The following DPP10 variants were observed in gnomAD, a reference collection of about 807,000 sequenced individuals.
DPP10 encodes the protein inactive dipeptidyl peptidase 10.
Under a neutral mutation model 120.9 loss-of-function variants are expected in DPP10, and 33 were observed. The ratio of observed to expected loss-of-function variants is 0.27; its 90% CI spans 0.21 to 0.37. The LOEUF (loss-of-function observed/expected upper bound fraction) is 0.37. Among genes scored for constraint, DPP10 ranks in the 10% least tolerant of loss-of-function variants. The pLI is 1.00. For missense variants in DPP10, 816 were observed against 942.8 expected (o/e 0.87, Z 1.76); for synonymous variants, 337 against 326.1 (o/e 1.03, Z -0.36).
intron 3 of DPP10, among the ~76,000 whole-genome samples, chr2:115,489,155 C>T (rs929085931): frequency 6.6e-6 from 1 of 152,054 alleles, no homozygotes; most frequent in Non-Finnish European, 1.5e-5. Context: ...GCTTTGCGGG[C>T]CATATTTTCT....
At chr2:114,519,490 T>C (rs925047298) in intron 1 of DPP10, among the ~76,000 whole-genome samples, 2 of 152,210 alleles carry the variant, frequency 1.3e-5, no homozygotes, top group African/African-American at 4.8e-5. Context: ...CCAATGATAT[T>C]CTACATGTGA....
At chr2:114,923,304 C>T (rs1695341039) in intron 1 of DPP10, among the ~76,000 whole-genome samples, 1 of 151,314 alleles carries the variant, frequency 6.6e-6, no homozygotes, top group South Asian at 2.1e-4. Flanking sequence ...ATGCCTCAGC[C>T]TCCCCAGTAG....
intron 3 of DPP10, among the ~76,000 whole-genome samples, chr2:115,461,460 G>A (rs553088385): frequency 4.1e-4 from 63 of 152,182 alleles, no homozygotes; most frequent in African/African-American, 1.5e-3. Context: ...ATACAACATG[G>A]TGACTATAGT....
intron 1 of DPP10, among the ~76,000 whole-genome samples, chr2:114,907,915 C>T (rs946109901): frequency 4.0e-5 from 6 of 151,848 alleles, no homozygotes; most frequent in Non-Finnish European, 7.4e-5. Flanking sequence ...TTAAAGTTTC[C>T]AACTACTATT....
At chr2:115,052,409 A>T (rs567079151) in intron 1 of DPP10, among the ~76,000 whole-genome samples, 14 of 152,296 alleles carry the variant, frequency 9.2e-5, no homozygotes, top group African/African-American at 3.1e-4. Flanking sequence ...ATGAGAAATA[A>T]CGTTTGCAAA....
At chr2:114,763,426 T>C (rs577545142) in intron 1 of DPP10, among the ~76,000 whole-genome samples, 1 of 152,324 alleles carries the variant, frequency 6.6e-6, no homozygotes, top group East Asian at 1.9e-4. Context: ...TAGATCAAAG[T>C]ATGTACTTCT....
Position 115,612,577 on chromosome 2 carries a change from T to A in DPP10, c.442-77110T>A, listed in dbSNP as rs187780007. Among the ~76,000 whole-genome samples the A allele has an allele frequency of 2.0e-4, 30 of 152,296 alleles. 1 individual carries two copies. In the East Asian group the frequency reaches 5.2e-3, roughly 26 times the overall value. On this transcript the variant is annotated intron_variant, in intron 5 of 25. Coordinates refer to ENST00000410059, the MANE Select transcript of DPP10 (RefSeq NM_020868.6). ...CAAAAACCTCTAATATAGTGACGTG[T>A]TCTGCCAAAATGTAATAAATGAGAA...
At chr2:115,804,904 C>T (rs899718028) in intron 19 of DPP10, among the ~76,000 whole-genome samples, 3 of 152,218 alleles carry the variant, frequency 2.0e-5, no homozygotes, top group Admixed American at 6.5e-5. Context: ...AGGCAGTCTG[C>T]CTGTTCTCAG....
chr2:114,457,318 A>ATCCCTGGCC (rs1309365224), intron 1 of DPP10, among the ~76,000 whole-genome samples: 4 of 152,188 alleles, frequency 2.6e-5, no homozygotes, highest in Admixed American at 2.6e-4. Flanking sequence ...GTCTGGCAGC[A>ATCCCTGGCC]TCCCTGGCCT....
chr2:115,086,810 T>C (rs1163698518), intron 1 of DPP10, among the ~76,000 whole-genome samples: 1 of 147,870 alleles, frequency 6.8e-6, no homozygotes, highest in East Asian at 2.0e-4. Flanking sequence ...CCCTAAAATA[T>C]ATAAAACCAA....
intron 1 of DPP10, among the ~76,000 whole-genome samples, chr2:115,103,186 T>C (rs1000799267): frequency 1.2e-4 from 16 of 135,180 alleles, no homozygotes; most frequent in South Asian, 2.5e-4. Context: ...GATTCTCTCT[T>C]TTTTTTTTTT....
At chr2:115,343,521 G>C (rs17823041) in intron 2 of DPP10, among the ~76,000 whole-genome samples, 7,826 of 152,006 alleles carry the variant, frequency 0.051, 316 homozygotes, top group Middle Eastern at 0.079. Context: ...CTGCCTTTTT[G>C]GGCACAATGT....
At chr2:114,661,903 A>G (rs778031192) in intron 1 of DPP10, among the ~76,000 whole-genome samples, 9 of 151,952 alleles carry the variant, frequency 5.9e-5, no homozygotes, top group South Asian at 4.2e-4. Flanking sequence ...CTGATACACA[A>G]TGAGCCCAGG....
In DPP10 at chr2:115,442,602, C is replaced by T. The variant is rs373339649; in HGVS notation, c.272-56908C>T. 2.0e-5 allele frequency among the ~76,000 whole-genome samples: 3 copies of T among 152,238 alleles called. No homozygotes were observed. The East Asian group carries it at 5.8e-4, about 29-fold the overall frequency. ...CTGTGAGCATATTACAAAGGAAAGA[C>T]AGTCGAACAAGATGCCATTTATTTA... On this transcript the variant is annotated intron_variant, in intron 3 of 25. Coordinates refer to ENST00000410059, the MANE Select transcript of DPP10 (RefSeq NM_020868.6).
intron 3 of DPP10, among the ~76,000 whole-genome samples, chr2:115,366,462 A>G (rs1574574000): frequency 6.6e-6 from 1 of 152,134 alleles, no homozygotes. Flanking sequence ...TGCTTTGCTT[A>G]TATACAATGT....
At chr2:115,516,575 T>TTG (rs1491433535) in intron 4 of DPP10, among the ~76,000 whole-genome samples, 32 of 1,162 alleles carry the variant, frequency 0.028, 1 homozygote, top group Admixed American at 0.13. Flanking sequence ...TTATTCTTTG[T>TTG]TTTTTTTTTT....
intron 1 of DPP10, among the ~76,000 whole-genome samples, chr2:114,591,565 T>A (rs1395749392): frequency 2.0e-5 from 3 of 149,958 alleles, no homozygotes; most frequent in Non-Finnish European, 4.4e-5. Flanking sequence ...TTTTTTTTTT[T>A]TTTTTTTGAG....
intron 21 of DPP10, among the ~76,000 whole-genome samples, chr2:115,831,283 C>T (rs929843661): frequency 6.6e-6 from 1 of 152,026 alleles, no homozygotes; most frequent in Non-Finnish European, 1.5e-5. Context: ...GAGTCTTACT[C>T]AGTCGCCCAG....
At chr2:115,190,671 A>G (rs973845033) in intron 1 of DPP10, among the ~76,000 whole-genome samples, 1 of 152,166 alleles carries the variant, frequency 6.6e-6, no homozygotes, top group Non-Finnish European at 1.5e-5. Flanking sequence ...CAGCAGTGAA[A>G]GAGTCTCGCA....
Sources: allele counts gnomAD v4.1 joint callset (sites outside exome capture counted in the v4.1 genomes callset), GRCh38; gene constraint gnomAD v4.1.1; transcripts MANE v1.5; gene names NCBI Gene and HGNC (gene_info 2026-07-23, HGNC 2026-07-21).